Variants in DRG1 observed in about 807,000 individuals in gnomAD.
The protein encoded by DRG1 is developmentally regulated GTP binding protein 1, also known as developmentally-regulated GTP-binding protein 1.
In DRG1, 19 loss-of-function variants were observed where a neutral mutation model predicts 38.8. The ratio of observed to expected loss-of-function variants is 0.49; its 90% CI spans 0.34 to 0.72. The LOEUF is 0.72. DRG1 is among the 30% of genes least tolerant of loss of function. The probability of loss-of-function intolerance (pLI) is 0.01; values close to 1 mark genes in which losing one functional copy is unlikely to be tolerated. For synonymous variants in DRG1, 167 were observed against 157.5 expected, an observed-to-expected ratio of 1.06 and a Z score of -0.45; for missense variants, 299 against 444.8, an observed-to-expected ratio of 0.67 and a Z score of 2.95.
intron 6 of DRG1, among the ~76,000 whole-genome samples, chr22:31,423,934 G>A (rs1025415686): frequency 2.7e-5 from 4 of 145,632 alleles, no homozygotes; most frequent in Admixed American, 1.4e-4. Context: ...GCGCAGTCTC[G>A]GCTCACTGCA....
chr22:31,421,259 C>CA (rs1905050722), intron 5 of DRG1: 1 of 150,096 alleles, frequency 6.7e-6, no homozygotes, highest in Non-Finnish European at 1.5e-5. Flanking sequence ...GGCTAAGTCA[C>CA]ATGCCTCCAG....
chr22:31,431,790 A>G (rs947280417), intron 8 of DRG1, among the ~76,000 whole-genome samples: 2 of 152,208 alleles, frequency 1.3e-5, no homozygotes, highest in Non-Finnish European at 2.9e-5. Context: ...TGTAAGTGCT[A>G]ATTTCCACCA....
At position 31,399,612 on chromosome 22, in the gene DRG1, C is replaced by T; in HGVS notation, c.-72C>T. The T allele has an allele frequency of 1.2e-6, 2 of 1,605,506 alleles. No individual in the cohort carries two copies. The highest frequency in any genetic ancestry group is 1.7e-6 in the Non-Finnish European group (2 of 1,172,132). ...CCGCGCCTGCGTGCTGCAGTAGCGC[C>T]TGGTGGCGGTGGCAGTTTGCCCGCG... On this transcript the variant is annotated 5_prime_UTR_variant, in exon 1 of 9. Coordinates refer to ENST00000331457, the MANE Select transcript of DRG1 (RefSeq NM_004147.4).
At chr22:31,400,987 A>C (rs79561255) in intron 2 of DRG1, among the ~76,000 whole-genome samples, 3,229 of 151,942 alleles carry the variant, frequency 0.021, 119 homozygotes, top group Admixed American at 0.076. Flanking sequence ...ATAACTAAAG[A>C]TGTTCTACTA....
chr22:31,430,383 C>T (rs5997985), intron 8 of DRG1, among the ~76,000 whole-genome samples: 9 of 151,806 alleles, frequency 5.9e-5, no homozygotes, highest in Non-Finnish European at 1.0e-4. Flanking sequence ...TAGTTCAATA[C>T]TACAGGGTTA....
At chr22:31,413,212 T>C (rs2145863107) in intron 4 of DRG1, among the ~76,000 whole-genome samples, 1 of 152,164 alleles carries the variant, frequency 6.6e-6, no homozygotes, top group East Asian at 1.9e-4. Context: ...AATCTTCCCA[T>C]GTCAGCTTTC....
In DRG1 at chr22:31,423,286, C is replaced by A; in HGVS notation, c.589C>A (p.Gln197Lys). 1 of 1,613,936 alleles carries A rather than the reference C, an allele frequency of 6.2e-7. No homozygotes were observed. Among genetic ancestry groups the A allele is most frequent in the Non-Finnish European group, 8.5e-7 (1 of 1,180,008 alleles). The change falls in exon 6 of 9, where the codon CAG becomes AAG. Residue 197 changes from glutamine to lysine, a missense_variant. Around this residue, in one of 3 missense-constraint regions of DRG1, gnomAD observed 198 missense variants for 268.1 expected, o/e 0.74. Transcript: ENST00000331457. Reference protein sequence around the residue: ...GGINLTATCPQSELDAETVKS... With the variant: ...GGINLTATCPKSELDAETVKS... ...ATCTGCTATTCCCTTTCAGTGCCCC[C>A]AGAGTGAGCTGGATGCTGAAACTGT...
intron 4 of DRG1, among the ~76,000 whole-genome samples, chr22:31,418,416 C>T (rs1475261627): frequency 3.3e-5 from 5 of 152,076 alleles, no homozygotes; most frequent in African/African-American, 9.7e-5. Flanking sequence ...TATGATCATG[C>T]GACTGCACTC....
At chr22:31,413,564 G>T (rs2050029135) in intron 4 of DRG1, among the ~76,000 whole-genome samples, 2 of 119,398 alleles carry the variant, frequency 1.7e-5, no homozygotes, top group African/African-American at 6.4e-5. Context: ...TCTTATTCTT[G>T]TTTCATGGAT....
At chr22:31,402,227 A>G (rs2049965767) in intron 2 of DRG1, among the ~76,000 whole-genome samples, 1 of 152,118 alleles carries the variant, frequency 6.6e-6, no homozygotes, top group Non-Finnish European at 1.5e-5. Context: ...ATGGCGTAAG[A>G]TCTGTGCACC....
At chr22:31,411,206 A>G (rs1038683654) in intron 4 of DRG1, 125 bp downstream of exon 4, 2 of 1,004,646 alleles carry the variant, frequency 2.0e-6, no homozygotes, top group Non-Finnish European at 3.0e-6. Context: ...CTGACTTCTC[A>G]TTTAAGTTGA....
At chr22:31,433,637 A>G (rs1045778667) in intron 8 of DRG1, among the ~76,000 whole-genome samples, 5 of 152,082 alleles carry the variant, frequency 3.3e-5, no homozygotes, top group African/African-American at 1.2e-4. Flanking sequence ...TATACTAAAC[A>G]TGTTTTTTGT....
intron 6 of DRG1, among the ~76,000 whole-genome samples, chr22:31,424,810 C>A (rs1171701609): frequency 1.8e-5 from 1 of 57,058 alleles, no homozygotes; most frequent in East Asian, 3.9e-4. Context: ...GCCCCCCCCC[C>A]CTTTTTTTTT....
intron 4 of DRG1, among the ~76,000 whole-genome samples, chr22:31,416,095 G>T (rs569146482): frequency 1.3e-5 from 2 of 152,206 alleles, no homozygotes; most frequent in East Asian, 3.9e-4. Context: ...GATCACTTGA[G>T]GCCAGGAGTT....
At chr22:31,430,040 A>C (rs1201335073) in intron 8 of DRG1, among the ~76,000 whole-genome samples, 1 of 152,164 alleles carries the variant, frequency 6.6e-6, no homozygotes, top group African/African-American at 2.4e-5. Context: ...GCAGGATTAC[A>C]GGCATCAGCC....
At chr22:31,423,203 G>T in intron 5 of DRG1, 77 bp from the exon 6 acceptor site, 2 of 1,568,628 alleles carry the variant, frequency 1.3e-6, no homozygotes, top group Non-Finnish European at 8.7e-7. Context: ...AATTTTCCAG[G>T]TACATGGATA....
chr22:31,404,620 T>TTTTTG (rs2049979984), intron 3 of DRG1, among the ~76,000 whole-genome samples: 2 of 151,602 alleles, frequency 1.3e-5, no homozygotes, highest in Non-Finnish European at 2.9e-5. Context: ...ATTCCATGTT[T>TTTTTG]TTTTGTTTTG....
intron 5 of DRG1, among the ~76,000 whole-genome samples, chr22:31,422,959 G>T (rs557735995): frequency 5.9e-5 from 9 of 152,118 alleles, no homozygotes; most frequent in African/African-American, 2.2e-4. Context: ...ATTGGATTAT[G>T]GCCCCACCCT....
chr22:31,433,775 T>C, intron 8 of DRG1, 97 bp from the exon 9 acceptor site: 2 of 1,014,436 alleles, frequency 2.0e-6, no homozygotes, highest in Non-Finnish European at 3.0e-6. Flanking sequence ...TTCTTAAGGG[T>C]ATGATACTAA....
Sources: allele counts gnomAD v4.1 joint callset (sites outside exome capture counted in the v4.1 genomes callset), GRCh38; gene constraint gnomAD v4.1.1; regional missense constraint gnomAD v4.1.1; transcripts MANE v1.5; gene names NCBI Gene and HGNC (gene_info 2026-07-23, HGNC 2026-07-21).